Variants in PCSK1 observed in about 807,000 individuals in gnomAD.
The protein encoded by PCSK1 is proprotein convertase subtilisin/kexin type 1, also known as neuroendocrine convertase 1.
Under a neutral mutation model 90.6 loss-of-function variants are expected in PCSK1, and 56 were observed. That is an observed-to-expected ratio of 0.62 (90% CI 0.50 to 0.77). The LOEUF is 0.77. PCSK1 is among the 30% of genes least tolerant of loss of function. The probability of loss-of-function intolerance (pLI) is 0.00; values close to 1 mark genes in which losing one functional copy is unlikely to be tolerated. For synonymous variants in PCSK1, 348 were observed against 342.4 expected (o/e 1.02, Z -0.18); for missense variants, 801 against 932.6 (o/e 0.86, Z 1.84).
At position 96,430,877 on chromosome 5, in the gene PCSK1, A is replaced by G. The variant is rs1185349132; in HGVS notation, c.181-1560T>C. On this transcript the variant is annotated intron_variant, in intron 1 of 13. Coordinates refer to ENST00000311106, the MANE Select transcript of PCSK1 (RefSeq NM_000439.5). ...CTATCCCTTACTCAAAGATCCTCCC[A>G]AGAATGATGATGTATTGTTTTTTAC... is the stretch of plus-strand genomic sequence containing the variant. 3.3e-5 allele frequency among the ~76,000 whole-genome samples: 5 copies of G among 152,188 alleles called. No individual in the cohort carries two copies. In the East Asian group the frequency reaches 5.8e-4, roughly 18 times the overall value.
At chr5:96,429,128 G>A in intron 2 of PCSK1, 85 bp downstream of exon 2, 2 of 753,426 alleles carry the variant, frequency 2.7e-6, no homozygotes, top group South Asian at 3.2e-5. Context: ...AACCACATTT[G>A]CAAAATGCTT....
chr5:96,394,768 G>T (rs1580742731), intron 13 of PCSK1, 96 bp downstream of exon 13: 4 of 1,074,408 alleles, frequency 3.7e-6, no homozygotes, highest in African/African-American at 3.1e-5. Context: ...ATCCATGTTT[G>T]ACTTATTTCC....
Position 96,421,950 on chromosome 5 carries a change from C to G in PCSK1, c.550G>C (p.Glu184Gln). ...HTDIYANYDP[E>Q]ASYDFNDNDH... ...TTATCATTAAAATCATAGCTAGCCT[C>G]TGGATCCTAAAGAGACAACAAAATA... The change falls in exon 5 of 14, where the codon GAG (glutamate) becomes CAG (glutamine). Residue 184 changes from glutamate to glutamine, a missense_variant. Coordinates refer to ENST00000311106, the MANE Select transcript of PCSK1 (RefSeq NM_000439.5). 1.3e-6 allele frequency: 2 copies of G among 1,487,122 alleles called. No individual in the cohort carries two copies. The highest frequency in any genetic ancestry group is 1.9e-6 in the Non-Finnish European group (2 of 1,071,314). The allele number at this position is 1,487,122 out of a possible 1,614,324, so 92.1% of individuals were successfully genotyped here. A position where few individuals can be genotyped will look rare whatever the true frequency, so the allele number is the denominator to read the frequency against.
intron 5 of PCSK1, among the ~76,000 whole-genome samples, chr5:96,418,273 G>A (rs554548640): frequency 6.6e-6 from 1 of 152,292 alleles, no homozygotes; most frequent in Non-Finnish European, 1.5e-5. Context: ...GTGAGGTGCT[G>A]CAGTAAAGAA....
intron 6 of PCSK1, among the ~76,000 whole-genome samples, chr5:96,415,313 CTGT>C (rs1760905052): frequency 1.3e-5 from 2 of 152,108 alleles, no homozygotes; most frequent in East Asian, 1.9e-4. Context: ...AGAAGTGGCT[CTGT>C]TGTTGTACTC....
chr5:96,426,858 A>G (rs965477803), intron 2 of PCSK1, among the ~76,000 whole-genome samples: 1 of 152,222 alleles, frequency 6.6e-6, no homozygotes, highest in Non-Finnish European at 1.5e-5. Flanking sequence ...ACCATCCACT[A>G]AGACTGCCCT....
intron 5 of PCSK1, among the ~76,000 whole-genome samples, chr5:96,418,498 A>G (rs189949834): frequency 2.0e-4 from 30 of 152,314 alleles, no homozygotes. Context: ...CTGCACTGTT[A>G]AGATTTTATT....
intron 12 of PCSK1, 110 bp from the exon 13 acceptor site, chr5:96,395,135 GT>G (rs1760088022): frequency 2.2e-6 from 2 of 924,322 alleles, no homozygotes; most frequent in Non-Finnish European, 3.5e-6. Context: ...TTAAGATTCT[GT>G]GCATTTCATG....
rs763279409 is a variant in PCSK1, at chr5:96,410,785, C to T, written c.1084G>A (p.Asp362Asn). 6 of 1,612,946 alleles carry T rather than the reference C, an allele frequency of 3.7e-6. No homozygotes were observed. The highest frequency in any genetic ancestry group is 2.2e-5 in the East Asian group (1 of 44,896). ...CAAAAGCAACATACGATTCTCTGGT[C>T]GGTGTAATCTCCGCTGCTGTAAGAG... ...ATSYSSGDYT[D>N]QRITSADLHN... Residue 362 changes from aspartate (D) to asparagine (N), a missense_variant, in exon 8 of 14, where the codon GAC (aspartate) becomes AAC (asparagine). By Grantham distance (23) the Asp-to-Asn change is conservative (BLOSUM62 1). Transcript: ENST00000311106.
intron 5 of PCSK1, 95 bp from the exon 6 acceptor site, chr5:96,416,216 T>G: frequency 1.2e-6 from 1 of 846,338 alleles, no homozygotes; most frequent in East Asian, 2.5e-5. Context: ...ATATTAACTT[T>G]TTGTCGGCCT....
Position 96,410,855 on chromosome 5 carries a change from G to A in PCSK1, c.1014C>T (p.Gly338=), listed in dbSNP as rs1307895014. ...ACTTCTCAGCGTACCAGGGGGATAGGCCTTGCTGGGAGGCACTGCTGATGG... is the reference window on the plus strand; with the variant it reads ...ACTTCTCAGCGTACCAGGGGGATAGACCTTGCTGGGAGGCACTGCTGATGG... ...TISISSASQQ[G]LSPWYAEKCS... The change falls in exon 8 of 14, where the codon GGC becomes GGT. Residue 338 remains glycine (G), a synonymous_variant. Coordinates refer to ENST00000311106, the MANE Select transcript of PCSK1 (RefSeq NM_000439.5). 1.2e-6 allele frequency: 2 copies of A among 1,614,068 alleles called. No individual in the cohort carries two copies. The highest frequency in any genetic ancestry group is 1.7e-5 in the Admixed American group (1 of 60,022).
rs1183834772 is a variant in PCSK1 at position 96,410,810 on chromosome 5, G to C, written c.1059C>G (p.Thr353=). The C allele has an allele frequency of 2.5e-6, 4 of 1,614,086 alleles. No individual in the cohort carries two copies. The highest frequency in any genetic ancestry group is 1.3e-5 in the African/African-American group (1 of 75,022). ...CGGTGTAATCTCCGCTGCTGTAAGA[G>C]GTGGCCAGTGTGGAGGAGCACTTCT... is the stretch of plus-strand genomic sequence containing the variant. ...YAEKCSSTLA[T]SYSSGDYTDQ... Residue 353 remains threonine (T), a synonymous_variant, in exon 8 of 14, where the codon ACC becomes ACG. Transcript: ENST00000311106.
chr5:96,421,993 TAAAAAAAAAAA>T (rs11317408), intron 4 of PCSK1, 37 bp from the exon 5 acceptor site: 1,408 of 356,924 alleles, frequency 3.9e-3, no homozygotes, highest in East Asian at 4.5e-3. Context: ...GTGGCAGCAT[TAAAAAAAAAAA>T]AAAAAAAAAA....
In PCSK1 at chr5:96,422,020, G is replaced by T. The variant is rs938028612; in HGVS notation, c.544-64C>A. On this transcript the variant is annotated intron_variant, in intron 4 of 13. Transcript: ENST00000311106. ...AAAAAAAAAAAAAAAAAAAAAAAAAGCATCACTTCCCAAGCCTCTTACCCT... is the reference window on the plus strand; with the variant it reads ...AAAAAAAAAAAAAAAAAAAAAAAAATCATCACTTCCCAAGCCTCTTACCCT... 93 of 510,872 alleles carry T rather than the reference G, an allele frequency of 1.8e-4. 1 individual carries two copies. Among genetic ancestry groups the T allele is most frequent in the Non-Finnish European group, 2.8e-4 (87 of 308,570 alleles). 31.6% of individuals were successfully genotyped at this position (510,872 alleles called of 1,614,324 possible).
At chr5:96,431,948 C>A (rs980601010) in intron 1 of PCSK1, 14 of 707,648 alleles carry the variant, frequency 2.0e-5, no homozygotes, top group Non-Finnish European at 3.1e-5. Flanking sequence ...AGGGTCCCCT[C>A]GGAATCGCTC....
Position 96,425,862 on chromosome 5 carries a change from T to C in PCSK1, c.354A>G (p.Leu118=), listed in dbSNP as rs549717260. The C allele has an allele frequency of 1.1e-5, 18 of 1,611,698 alleles. No individual in the cohort carries two copies. The Admixed American group carries it at 2.3e-4, about 21-fold the overall frequency. The change falls in exon 3 of 14, where the codon CTA becomes CTG. Residue 118 remains leucine (L), a synonymous_variant. Coordinates refer to ENST00000311106, the MANE Select transcript of PCSK1 (RefSeq NM_000439.5). ...TCCACATGGGATCATTGAAGAGATT[T>C]AGTGCTGAGTCCCTTAGAGCTGAAC... The part of the protein sequence containing the change: ...SKRSALRDSA[L]NLFNDPMWNQ...
chr5:96,416,752 C>G (rs919220351), intron 5 of PCSK1, among the ~76,000 whole-genome samples: 1 of 152,206 alleles, frequency 6.6e-6, no homozygotes, highest in African/African-American at 2.4e-5. Context: ...CAAGATGCTC[C>G]TGAAATCCCA....
intron 9 of PCSK1, among the ~76,000 whole-genome samples, chr5:96,401,766 A>AT (rs1176199709): frequency 1.3e-5 from 2 of 152,114 alleles, no homozygotes; most frequent in African/African-American, 4.8e-5. Context: ...CCTGGTTCTA[A>AT]TTTAACCATG....
intron 1 of PCSK1, chr5:96,432,266 C>T: frequency 1.4e-6 from 1 of 737,122 alleles, no homozygotes; most frequent in Non-Finnish European, 2.2e-6. Context: ...ACCATTTCTC[C>T]CCCCAGCTTC....
Sources: gnomAD v4.1 joint callset for allele counts (sites outside exome capture counted in the v4.1 genomes callset) on GRCh38, gnomAD v4.1.1 for gene constraint, MANE v1.5 for transcripts, NCBI Gene and HGNC (gene_info 2026-07-23, HGNC 2026-07-21) for gene names.